Variants in PID1 observed in about 807,000 individuals in gnomAD.
The protein encoded by PID1 is PTB-containing, cubilin and LRP1-interacting protein.
A neutral mutation model predicts 19.1 loss-of-function variants in PID1; 10 were observed. The observed-to-expected ratio is 0.52, with a 90% CI of 0.32 to 0.89. The LOEUF (loss-of-function observed/expected upper bound fraction) is 0.89, where lower values mean the gene tolerates loss of function less well. PID1 is among the 40% of genes least tolerant of loss of function. PID1 has a pLI of 0.03. For missense variants in PID1, 248 were observed against 285.3 expected, an observed-to-expected ratio of 0.87 and a Z score of 0.94; for synonymous variants, 130 against 116.0, an observed-to-expected ratio of 1.12 and a Z score of -0.78.
chr2:229,253,297 CTTTA>C (rs933154757), intron 1 of PID1, among the ~76,000 whole-genome samples: 3 of 152,256 alleles, frequency 2.0e-5, no homozygotes, highest in African/African-American at 7.2e-5. Flanking sequence ...ACCAAAATTA[CTTTA>C]TTTGTTTTGG....
chr2:229,134,295 T>G (rs1161628117), intron 2 of PID1, among the ~76,000 whole-genome samples: 1 of 144,332 alleles, frequency 6.9e-6, no homozygotes, highest in African/African-American at 2.6e-5. Context: ...AGTGCAGTGG[T>G]GTGGTGTGAT....
intron 1 of PID1, among the ~76,000 whole-genome samples, chr2:229,163,613 T>A (rs544776756): frequency 3.4e-5 from 5 of 147,084 alleles, no homozygotes; most frequent in Non-Finnish European, 6.1e-5. Context: ...AAGGGCTCAC[T>A]TACTCAGTGG....
intron 1 of PID1, among the ~76,000 whole-genome samples, chr2:229,170,917 A>C (rs1233930287): frequency 6.6e-6 from 1 of 152,228 alleles, no homozygotes; most frequent in Non-Finnish European, 1.5e-5. Flanking sequence ...CTTTCAAAAG[A>C]ATGAAAGAAG....
chr2:229,052,648 A>C (rs1259486276), intron 2 of PID1, among the ~76,000 whole-genome samples: 4 of 152,108 alleles, frequency 2.6e-5, no homozygotes, highest in African/African-American at 7.2e-5. Flanking sequence ...TCATACATGA[A>C]ATAAATTTAC....
intron 1 of PID1, among the ~76,000 whole-genome samples, chr2:229,163,293 C>T (rs1007155592): frequency 6.6e-6 from 1 of 152,078 alleles, no homozygotes; most frequent in Non-Finnish European, 1.5e-5. Flanking sequence ...AAACCTACAC[C>T]AATTTGGCAT....
intron 1 of PID1, among the ~76,000 whole-genome samples, chr2:229,266,996 T>G (rs1203756108): frequency 1.3e-5 from 2 of 152,114 alleles, no homozygotes; most frequent in African/African-American, 4.8e-5. Flanking sequence ...AGGGGAAAAG[T>G]GAAAGTGGCA....
chr2:229,068,312 T>C (rs545425585), intron 2 of PID1, among the ~76,000 whole-genome samples: 109 of 152,278 alleles, frequency 7.2e-4, no homozygotes, highest in Non-Finnish European at 1.3e-3. Flanking sequence ...TTCAGGCTTG[T>C]CTTTAATGCT....
intron 2 of PID1, among the ~76,000 whole-genome samples, chr2:229,061,504 T>C (rs1230851644): frequency 6.6e-6 from 1 of 152,092 alleles, no homozygotes; most frequent in Non-Finnish European, 1.5e-5. Context: ...TTTTGATTAC[T>C]ACAACTTTGT....
At chr2:229,239,778 C>A (rs1689823208) in intron 1 of PID1, among the ~76,000 whole-genome samples, 1 of 152,090 alleles carries the variant, frequency 6.6e-6, no homozygotes, top group African/African-American at 2.4e-5. Flanking sequence ...CAATGTAATT[C>A]TGGACTACTT....
intron 2 of PID1, among the ~76,000 whole-genome samples, chr2:229,072,106 G>A (rs1271965987): frequency 1.3e-5 from 2 of 152,150 alleles, no homozygotes; most frequent in Non-Finnish European, 1.5e-5. Flanking sequence ...GGAACAATAC[G>A]ATTTAGTCCA....
chr2:229,194,637 A>G (rs1323735874), intron 1 of PID1, among the ~76,000 whole-genome samples: 1 of 152,000 alleles, frequency 6.6e-6, no homozygotes, highest in Admixed American at 6.6e-5. Flanking sequence ...TTCCTTAATA[A>G]AATGAACATA....
At chr2:229,088,030 G>C in intron 2 of PID1, among the ~76,000 whole-genome samples, 1 of 152,086 alleles carries the variant, frequency 6.6e-6, no homozygotes. Context: ...GCTTCTGAGA[G>C]GACTTCTTGT....
intron 2 of PID1, among the ~76,000 whole-genome samples, chr2:229,048,591 A>G (rs1223063442): frequency 6.6e-6 from 1 of 152,180 alleles, no homozygotes; most frequent in East Asian, 1.9e-4. Context: ...CACGGCAGGA[A>G]GGGACTGAAA....
chr2:229,173,150 TC>T (rs1334470742), intron 1 of PID1, among the ~76,000 whole-genome samples: 3 of 152,120 alleles, frequency 2.0e-5, no homozygotes, highest in African/African-American at 7.2e-5. Context: ...CCACTGCCAA[TC>T]ATTATTTGTT....
At chr2:229,251,489 C>T (rs1690149764) in intron 1 of PID1, among the ~76,000 whole-genome samples, 1 of 152,116 alleles carries the variant, frequency 6.6e-6, no homozygotes, top group South Asian at 2.1e-4. Flanking sequence ...CTTTGCCTTT[C>T]ATTTTGGCCA....
chr2:229,058,733 A>T (rs1053307350), intron 2 of PID1, among the ~76,000 whole-genome samples: 10 of 151,612 alleles, frequency 6.6e-5, no homozygotes, highest in African/African-American at 2.4e-4. Flanking sequence ...ATTTGAAAAA[A>T]AAAAAAAAAA....
chr2:229,223,279 T>C (rs548135331), intron 1 of PID1, among the ~76,000 whole-genome samples: 5 of 152,310 alleles, frequency 3.3e-5, no homozygotes, highest in African/African-American at 7.2e-5. Context: ...CAAAATGCTA[T>C]CTCATCATTA....
At chr2:229,156,041 G>C in intron 1 of PID1, 77 bp from the exon 2 acceptor site, 1 of 1,338,430 alleles carries the variant, frequency 7.5e-7, no homozygotes, top group Non-Finnish European at 1.0e-6. Context: ...ATTAAACCCA[G>C]TAGCAACTTG....
chr2:229,134,091 C>T (rs1314034505), intron 2 of PID1, among the ~76,000 whole-genome samples: 1 of 152,058 alleles, frequency 6.6e-6, no homozygotes, highest in East Asian at 1.9e-4. Context: ...ATGTCCCCTG[C>T]GTGGGGACAA....
Sources: gnomAD v4.1 joint callset for allele counts (sites outside exome capture counted in the v4.1 genomes callset) on GRCh38, gnomAD v4.1.1 for gene constraint, MANE v1.5 for transcripts, NCBI Gene and HGNC (gene_info 2026-07-23, HGNC 2026-07-21) for gene names.